GNB4: variants seen among roughly 807,000 people sequenced by gnomAD.
GNB4 encodes G protein subunit beta 4, also known as guanine nucleotide-binding protein subunit beta-4.
Under a neutral mutation model 45.2 loss-of-function variants are expected in GNB4, and 28 were observed. The observed-to-expected ratio is 0.62, with a 90% CI of 0.46 to 0.85. GNB4 has a LOEUF of 0.85. GNB4 is among the 40% of genes least tolerant of loss of function. The probability of loss-of-function intolerance (pLI) is 0.00; values close to 1 mark genes in which losing one functional copy is unlikely to be tolerated. For synonymous variants in GNB4, 132 were observed against 143.7 expected, an observed-to-expected ratio of 0.92 and a Z score of 0.58; for missense variants, 321 against 425.4, an observed-to-expected ratio of 0.75 and a Z score of 2.16.
chr3:179,508,932 G>GTGTGTGTATATATATATATATATATATA, the GNB4 span, among the ~76,000 whole-genome samples: 78 of 102,128 alleles, frequency 7.6e-4, 2 homozygotes, highest in African/African-American at 3.4e-3. Context: ...TTCAGCATGT[G>GTGTGTGTATATATATATATATATATATA]TATATATATA....
chr3:179,403,591 G>A (rs1407100517), intron 9 of GNB4, among the ~76,000 whole-genome samples: 4 of 152,014 alleles, frequency 2.6e-5, no homozygotes, highest in Admixed American at 2.0e-4. Context: ...TCAGGAGTTC[G>A]AGACCAGCCT....
chr3:179,522,352 A>G, the GNB4 span, among the ~76,000 whole-genome samples: 1 of 142,454 alleles, frequency 7.0e-6, no homozygotes, highest in Non-Finnish European at 1.5e-5. Flanking sequence ...CAAATCTTAT[A>G]AAACGGCCAC....
the GNB4 span, among the ~76,000 whole-genome samples, chr3:179,499,160 T>C: frequency 0.054 from 7,839 of 144,578 alleles, 307 homozygotes; most frequent in Middle Eastern, 0.18. Context: ...ATTTTCTTTT[T>C]TTTTTTTTTT....
At chr3:179,485,085 A>T in the GNB4 span, among the ~76,000 whole-genome samples, 1 of 134,772 alleles carries the variant, frequency 7.4e-6, no homozygotes, top group South Asian at 2.2e-4. Flanking sequence ...ATCTCTGCTC[A>T]CTGCAAGCTC....
the GNB4 span, among the ~76,000 whole-genome samples, chr3:179,515,162 A>G: frequency 6.6e-6 from 1 of 152,252 alleles, no homozygotes; most frequent in African/African-American, 2.4e-5. Flanking sequence ...AAATAACAAT[A>G]AAGTTAACAC....
chr3:179,432,490 T>C (rs1715335075), intron 1 of GNB4, among the ~76,000 whole-genome samples: 1 of 152,092 alleles, frequency 6.6e-6, no homozygotes, highest in Non-Finnish European at 1.5e-5. Flanking sequence ...CAATAGATTA[T>C]AAACTACTCT....
the GNB4 span, among the ~76,000 whole-genome samples, chr3:179,492,204 A>G: frequency 1.3e-5 from 2 of 152,166 alleles, no homozygotes; most frequent in Non-Finnish European, 2.9e-5. Flanking sequence ...TTACCATTGC[A>G]GACACCTGTA....
the GNB4 span, among the ~76,000 whole-genome samples, chr3:179,473,413 A>G: frequency 6.6e-6 from 1 of 151,898 alleles, no homozygotes; most frequent in Non-Finnish European, 1.5e-5. Flanking sequence ...ATTATGAATT[A>G]TTTCATTTAT....
chr3:179,526,075 A>G, the GNB4 span, among the ~76,000 whole-genome samples: 15 of 152,176 alleles, frequency 9.9e-5, no homozygotes, highest in Admixed American at 2.0e-4. Context: ...AAAGGGAGAT[A>G]GGGTGGGGCC....
At chr3:179,509,806 T>C in the GNB4 span, among the ~76,000 whole-genome samples, 1 of 152,024 alleles carries the variant, frequency 6.6e-6, no homozygotes, top group Non-Finnish European at 1.5e-5. Flanking sequence ...TTGTCCACAT[T>C]TCACATACAA....
chr3:179,493,434 T>TA, the GNB4 span, among the ~76,000 whole-genome samples: 2 of 138,608 alleles, frequency 1.4e-5, no homozygotes, highest in Non-Finnish European at 1.6e-5. Context: ...ATGATTGAAA[T>TA]AAAAAATGCA....
intron 3 of GNB4, among the ~76,000 whole-genome samples, chr3:179,420,135 A>G (rs906743076): frequency 6.8e-6 from 1 of 146,348 alleles, no homozygotes; most frequent in African/African-American, 2.5e-5. Flanking sequence ...AATATATATA[A>G]TTTTTTTTTT....
Position 179,400,934 on chromosome 3 carries a change from C to T in GNB4, c.*279G>A, listed in dbSNP as rs954348137. Reference sequence around the variant, plus strand: ...TATAATGTGTACATTCTGTTCTACACAAAGAAAATACACTCTGAGTACACA... The same window carrying T: ...TATAATGTGTACATTCTGTTCTACATAAAGAAAATACACTCTGAGTACACA... On this transcript the variant is annotated 3_prime_UTR_variant, in exon 10 of 10. Transcript: ENST00000232564. 2 of 287,748 alleles carry T rather than the reference C, an allele frequency of 7.0e-6. No individual in the cohort carries two copies. The highest frequency in any genetic ancestry group is 1.3e-5 in the Non-Finnish European group (2 of 155,530). 17.8% of individuals were successfully genotyped at this position (287,748 alleles called of 1,614,324 possible).
At chr3:179,488,984 C>CAAAAA in the GNB4 span, among the ~76,000 whole-genome samples, 1 of 18,696 alleles carries the variant, frequency 5.3e-5, no homozygotes, top group East Asian at 2.0e-3. Flanking sequence ...ATCCTGTATC[C>CAAAAA]AAAAAAAAAA....
intron 2 of GNB4, among the ~76,000 whole-genome samples, chr3:179,423,611 G>A (rs991633135): frequency 1.3e-5 from 2 of 151,796 alleles, no homozygotes; most frequent in East Asian, 1.9e-4. Flanking sequence ...GTGAAACCCC[G>A]TGTCTACTAA....
the GNB4 span, among the ~76,000 whole-genome samples, chr3:179,510,572 C>T: frequency 6.6e-6 from 1 of 150,710 alleles, no homozygotes; most frequent in Non-Finnish European, 1.5e-5. Flanking sequence ...GGAAAAGATG[C>T]CTCCCCAGAA....
At chr3:179,424,888 G>A (rs1288940750) in intron 2 of GNB4, among the ~76,000 whole-genome samples, 3 of 152,120 alleles carry the variant, frequency 2.0e-5, no homozygotes, top group African/African-American at 4.8e-5. Context: ...GATTACAGGC[G>A]TGAGCCACTG....
In GNB4 at chr3:179,401,313, A is replaced by G. The variant is rs1168008697; in HGVS notation, c.923T>C (p.Leu308Pro). 1 of 1,608,622 alleles carries G rather than the reference A, an allele frequency of 6.2e-7. No individual in the cohort carries two copies. The highest frequency in any genetic ancestry group is 8.5e-7 in the Non-Finnish European group (1 of 1,177,386). The stretch of plus-strand genomic sequence containing the variant: ...GCTCACACGGTTGTCATGACCAGCA[A>G]GGACACCTGAAAAAAAAATTCAGTA... ...DTLKGDRAGV[L>P]AGHDNRVSCL... Residue 308 changes from leucine (L) to proline (P), a missense_variant, in exon 10 of 10, where the codon CTT (leucine) becomes CCT (proline). Leu to Pro is a moderately conservative substitution (Grantham distance 98). Coordinates refer to ENST00000232564, the MANE Select transcript of GNB4 (RefSeq NM_021629.4).
At chr3:179,429,942 A>G (rs1255571370) in intron 1 of GNB4, among the ~76,000 whole-genome samples, 1 of 152,172 alleles carries the variant, frequency 6.6e-6, no homozygotes, top group Non-Finnish European at 1.5e-5. Context: ...TGACCTTGCC[A>G]TCTATATCAT....
Sources: allele counts gnomAD v4.1 joint callset (sites outside exome capture counted in the v4.1 genomes callset), GRCh38; gene constraint gnomAD v4.1.1; transcripts MANE v1.5; gene names NCBI Gene and HGNC (gene_info 2026-07-23, HGNC 2026-07-21).